ADAMTS12: variants seen among roughly 807,000 people sequenced by gnomAD.
ADAMTS12 encodes the protein A disintegrin and metalloproteinase with thrombospondin motifs 12.
A neutral mutation model predicts 167.8 loss-of-function variants in ADAMTS12; 118 were observed. The observed-to-expected ratio is 0.70, with a 90% confidence interval of 0.61 to 0.82. ADAMTS12 has a LOEUF of 0.82. ADAMTS12 is among the 40% of genes least tolerant of loss of function. The pLI, the probability that ADAMTS12 is intolerant of heterozygous loss-of-function variation, is 0.00. For missense variants in ADAMTS12, 1,916 were observed against 1,998.8 expected (o/e 0.96, Z 0.79); for synonymous variants, 704 against 716.9 (o/e 0.98, Z 0.29).
At chr5:33,825,724 G>A (rs563359704) in intron 2 of ADAMTS12, among the ~76,000 whole-genome samples, 4 of 152,254 alleles carry the variant, frequency 2.6e-5, no homozygotes, top group Admixed American at 1.3e-4. Context: ...TTTGCAAATC[G>A]ATAGAGGAAG....
chr5:33,674,634 T>G (rs1488984027), intron 5 of ADAMTS12, among the ~76,000 whole-genome samples: 1 of 152,140 alleles, frequency 6.6e-6, no homozygotes, highest in Admixed American at 6.5e-5. Context: ...ACTGTATGCA[T>G]AGCATACACT....
chr5:33,530,506 C>G (rs900324516), intron 23 of ADAMTS12, among the ~76,000 whole-genome samples: 2 of 152,206 alleles, frequency 1.3e-5, no homozygotes, highest in East Asian at 3.9e-4. Context: ...CCTGAAGTCT[C>G]TGTGGATGGA....
chr5:33,700,062 T>C (rs1013893297), intron 3 of ADAMTS12, among the ~76,000 whole-genome samples: 5 of 152,204 alleles, frequency 3.3e-5, no homozygotes, highest in African/African-American at 1.2e-4. Context: ...CTGTTGAGGA[T>C]GTGGAGAAAC....
chr5:33,818,512 C>T (rs563176354), intron 2 of ADAMTS12, among the ~76,000 whole-genome samples: 47 of 152,172 alleles, frequency 3.1e-4, no homozygotes, highest in Middle Eastern at 3.4e-3. Context: ...TCCATATTGG[C>T]TATTGTGAGT....
At chr5:33,648,737 GTT>G (rs34079160) in intron 9 of ADAMTS12, 83 bp downstream of exon 9, 933,971 of 1,531,468 alleles carry the variant, frequency 0.61, 287,834 homozygotes, top group East Asian at 0.65. Flanking sequence ...TGGATGTTCA[GTT>G]ATTTCCAAAT....
chr5:33,618,283 G>A (rs1739126115), intron 14 of ADAMTS12, among the ~76,000 whole-genome samples: 1 of 152,212 alleles, frequency 6.6e-6, no homozygotes. Context: ...AAAACGAAGA[G>A]GAGGGGTTGA....
intron 2 of ADAMTS12, among the ~76,000 whole-genome samples, chr5:33,812,630 C>T (rs191562865): frequency 1.3e-5 from 2 of 152,304 alleles, no homozygotes; most frequent in Non-Finnish European, 2.9e-5. Flanking sequence ...ACAATATCAA[C>T]TCTTGTGTTT....
intron 9 of ADAMTS12, among the ~76,000 whole-genome samples, chr5:33,644,497 A>G (rs1740587021): frequency 6.6e-6 from 1 of 152,116 alleles, no homozygotes; most frequent in Admixed American, 6.5e-5. Context: ...CACACCTTCC[A>G]TTTCCAGAAG....
chr5:33,588,285 C>A (rs1747457069), intron 18 of ADAMTS12, among the ~76,000 whole-genome samples: 1 of 152,010 alleles, frequency 6.6e-6, no homozygotes, highest in Non-Finnish European at 1.5e-5. Context: ...TTATCTGCTA[C>A]CAGTGGTTTA....
chr5:33,670,198 C>T (rs908745845), intron 5 of ADAMTS12, among the ~76,000 whole-genome samples: 9 of 151,738 alleles, frequency 5.9e-5, no homozygotes, highest in African/African-American at 1.7e-4. Flanking sequence ...TAAAGAGACA[C>T]GTCACCAAGG....
chr5:33,670,389 G>A (rs1741633729), intron 5 of ADAMTS12, among the ~76,000 whole-genome samples: 1 of 152,128 alleles, frequency 6.6e-6, no homozygotes, highest in Non-Finnish European at 1.5e-5. Context: ...ATTCACTGCT[G>A]GTGAGAGTGG....
chr5:33,881,992 C>G (rs1750466133), intron 1 of ADAMTS12, among the ~76,000 whole-genome samples: 1 of 152,088 alleles, frequency 6.6e-6, no homozygotes, highest in Admixed American at 6.5e-5. Context: ...GTGCTTCCTC[C>G]TCAGTGACAT....
chr5:33,734,941 A>G (rs1006912084), intron 3 of ADAMTS12, among the ~76,000 whole-genome samples: 3 of 152,244 alleles, frequency 2.0e-5, no homozygotes, highest in African/African-American at 7.2e-5. Context: ...TTACTGCAAG[A>G]TACCTTGCAT....
intron 22 of ADAMTS12, among the ~76,000 whole-genome samples, chr5:33,542,946 T>A (rs1210207905): frequency 6.6e-6 from 1 of 151,794 alleles, no homozygotes; most frequent in Non-Finnish European, 1.5e-5. Context: ...ACATCACAAT[T>A]AAAAGAACTA....
At chr5:33,696,264 A>T (rs1742760339) in intron 3 of ADAMTS12, among the ~76,000 whole-genome samples, 2 of 151,702 alleles carry the variant, frequency 1.3e-5, no homozygotes, top group African/African-American at 4.8e-5. Context: ...TACTAAAAAT[A>T]CAAAAAATTA....
chr5:33,640,997 G>T (rs1374505810), intron 11 of ADAMTS12, among the ~76,000 whole-genome samples: 1 of 151,680 alleles, frequency 6.6e-6, no homozygotes, highest in Non-Finnish European at 1.5e-5. Context: ...TAAAAAATGT[G>T]ACTCCTACTT....
intron 2 of ADAMTS12, among the ~76,000 whole-genome samples, chr5:33,807,619 A>C (rs1384952573): frequency 6.6e-6 from 1 of 152,196 alleles, no homozygotes; most frequent in Admixed American, 6.5e-5. Context: ...GGTTGGCTTG[A>C]TTGTTGACTT....
At chr5:33,637,771 T>C in intron 11 of ADAMTS12, 25 bp from the exon 12 acceptor site, 3 of 1,609,188 alleles carry the variant, frequency 1.9e-6, no homozygotes, top group African/African-American at 2.7e-5. Context: ...GACAAGCTTT[T>C]CTTTTAGTTT....
At chr5:33,784,159 T>C (rs1186889554) in intron 2 of ADAMTS12, among the ~76,000 whole-genome samples, 1 of 151,890 alleles carries the variant, frequency 6.6e-6, no homozygotes, top group Non-Finnish European at 1.5e-5. Context: ...TCACTACCTA[T>C]ACATAACAGA....
Sources: allele counts gnomAD v4.1 joint callset (sites outside exome capture counted in the v4.1 genomes callset), GRCh38; gene constraint gnomAD v4.1.1; transcripts MANE v1.5; gene names NCBI Gene and HGNC (gene_info 2026-07-23, HGNC 2026-07-21).